IQCH: variants seen among roughly 807,000 people sequenced by gnomAD.
The protein encoded by IQCH is IQ motif containing H, also known as IQ domain-containing protein H.
Under a neutral mutation model 117.0 loss-of-function variants are expected in IQCH, and 98 were observed. That is an observed-to-expected ratio of 0.84 (90% CI 0.71 to 0.99). The LOEUF (loss-of-function observed/expected upper bound fraction) is 0.99, where lower values mean the gene tolerates loss of function less well. IQCH is among the 50% of genes least tolerant of loss of function. The probability of loss-of-function intolerance (pLI) is 0.00; values close to 1 mark genes in which losing one functional copy is unlikely to be tolerated. For missense variants in IQCH, 1,102 were observed against 1,243.8 expected (o/e 0.89, Z 1.72); for synonymous variants, 412 against 448.2 (o/e 0.92, Z 1.02).
chr15:67,273,414 T>G (rs936590130), intron 3 of IQCH, among the ~76,000 whole-genome samples: 2 of 152,208 alleles, frequency 1.3e-5, no homozygotes, highest in Non-Finnish European at 2.9e-5. Flanking sequence ...CTAATGTATC[T>G]GTTATAGTTT....
chr15:67,379,748 C>T (rs940257051), intron 10 of IQCH, among the ~76,000 whole-genome samples: 1 of 152,182 alleles, frequency 6.6e-6, no homozygotes, highest in Non-Finnish European at 1.5e-5. Flanking sequence ...TGAAGAAGGT[C>T]TTTGTTTCCC....
intron 14 of IQCH, among the ~76,000 whole-genome samples, chr15:67,400,978 T>G (rs2140869005): frequency 6.6e-6 from 1 of 152,324 alleles, no homozygotes; most frequent in South Asian, 2.1e-4. Context: ...AGCTGTATTT[T>G]ATTATGAGAT....
rs966853011 is a variant in IQCH at position 67,459,736 on chromosome 15, G to C, written c.2506-5391G>C. The C allele has an allele frequency of 6.6e-6, 1 of 152,340 alleles. No homozygotes were observed. Among genetic ancestry groups the C allele is most frequent in the Non-Finnish European group, 1.5e-5 (1 of 68,140 alleles). The allele number at this position is 152,340 out of a possible 1,614,324, so 9.4% of individuals were successfully genotyped here. A position where few individuals can be genotyped will look rare whatever the true frequency, so the allele number is the denominator to read the frequency against. On this transcript the variant is annotated intron_variant, in intron 16 of 20. Transcript: ENST00000335894. The surrounding 1 kb of genome is among the most constrained non-coding windows in gnomAD (Gnocchi z 4.2). ...GCAGCTGTGGTTCACACGGCATCCAGCACAGTAGCAGTCAGGGCAGTGGAG... is the reference window on the plus strand; with the variant it reads ...GCAGCTGTGGTTCACACGGCATCCACCACAGTAGCAGTCAGGGCAGTGGAG...
At chr15:67,340,856 C>G (rs1969138489) in intron 5 of IQCH, among the ~76,000 whole-genome samples, 2 of 152,148 alleles carry the variant, frequency 1.3e-5, no homozygotes, top group Non-Finnish European at 1.5e-5. Context: ...ATTACAGATA[C>G]AAAGACATAC....
At chr15:67,292,641 C>T (rs887675181) in intron 4 of IQCH, among the ~76,000 whole-genome samples, 1 of 152,074 alleles carries the variant, frequency 6.6e-6, no homozygotes, top group African/African-American at 2.4e-5. Context: ...AATTGTTAAC[C>T]TTTACCATTT....
chr15:67,373,046 A>G (rs1280630202), intron 9 of IQCH, among the ~76,000 whole-genome samples: 1 of 152,012 alleles, frequency 6.6e-6, no homozygotes, highest in Non-Finnish European at 1.5e-5. Flanking sequence ...TCTTGTCTAC[A>G]TTGCTGTCAC....
chr15:67,427,888 G>T lies in IQCH; in HGVS notation c.2505+6311G>T, dbSNP rs1209099095. On this transcript the variant is annotated intron_variant, in intron 16 of 20. Coordinates refer to ENST00000335894, the MANE Select transcript of IQCH (RefSeq NM_001031715.3). The surrounding 1 kb of genome is among the most constrained non-coding windows in gnomAD (Gnocchi z 4.7). The stretch of plus-strand genomic sequence containing the variant: ...GTGTTGCCCAGGCTGGAGTGCAGTG[G>T]CATGATCTTGCTTCACTGTAATCTT... 6.6e-6 allele frequency among the ~76,000 whole-genome samples: 1 copy of T among 151,504 alleles called. No homozygotes were observed. Among genetic ancestry groups the T allele is most frequent in the Non-Finnish European group, 1.5e-5 (1 of 67,970 alleles).
At chr15:67,283,332 T>C (rs1966438820) in intron 4 of IQCH, among the ~76,000 whole-genome samples, 1 of 152,186 alleles carries the variant, frequency 6.6e-6, no homozygotes, top group South Asian at 2.1e-4. Flanking sequence ...TGCAGATATG[T>C]AGGGTTTGTG....
chr15:67,338,706 A>C (rs1969012842), intron 5 of IQCH, among the ~76,000 whole-genome samples: 1 of 152,136 alleles, frequency 6.6e-6, no homozygotes, highest in Non-Finnish European at 1.5e-5. Flanking sequence ...CACCCCTCCA[A>C]ATGGTTAAGA....
At chr15:67,498,393 A>G (rs7174632) in intron 20 of IQCH, among the ~76,000 whole-genome samples, 130,641 of 151,896 alleles carry the variant, frequency 0.86, 56,239 homozygotes, top group Middle Eastern at 0.9. Flanking sequence ...AGGCAGGTGG[A>G]TCACCTGAGG....
Position 67,428,184 on chromosome 15 carries a change from G to A in IQCH, c.2505+6607G>A, listed in dbSNP as rs116655245. On this transcript the variant is annotated intron_variant, in intron 16 of 20. Coordinates refer to ENST00000335894, the MANE Select transcript of IQCH (RefSeq NM_001031715.3). ...ATAGTTCAATGAAATTGCATACTAT[G>A]AAGACATTAAAACTAATGTTTTTAA... Among the ~76,000 whole-genome samples the A allele has an allele frequency of 5.0e-3, 764 of 152,150 alleles. 6 individuals are homozygous for A. Among genetic ancestry groups the A allele is most frequent in the African/African-American group, 0.018 (733 of 41,488 alleles).
rs2140763504 is a variant in IQCH, at chr15:67,364,618, A to G, written c.753+4733A>G. Among the ~76,000 whole-genome samples, 1 of 152,280 alleles carries G rather than the reference A, an allele frequency of 6.6e-6. No homozygotes were observed. Among genetic ancestry groups the G allele is most frequent in the East Asian group, 1.9e-4 (1 of 5,186 alleles). The stretch of plus-strand genomic sequence containing the variant: ...TGTATTTTTTCACTTTATCTCTTTC[A>G]TTGATCAATTGTGACCTGATCATTC... On this transcript the variant is annotated intron_variant, in intron 8 of 20. Transcript: ENST00000335894. This position sits in a 1 kb window ranked among gnomAD's most constrained non-coding sequence, Gnocchi z 4.1.
chr15:67,388,718 C>A lies in IQCH; in HGVS notation c.1457-113C>A. The A allele has an allele frequency of 1.1e-6, 1 of 889,628 alleles. No homozygotes were observed. The highest frequency in any genetic ancestry group is 1.7e-6 in the Non-Finnish European group (1 of 581,296). The allele number at this position is 889,628 out of a possible 1,614,324, so 55.1% of individuals were successfully genotyped here. On this transcript the variant is annotated intron_variant, in intron 11 of 20. Transcript: ENST00000335894. This position sits in a 1 kb window ranked among gnomAD's most constrained non-coding sequence, Gnocchi z 5.5. ...AAAACCAAACTAAATTAACCTTAAC[C>A]TGGGTTTTGGATATGCTCTTTATTT...
chr15:67,306,508 G>T (rs1967302386), intron 4 of IQCH, among the ~76,000 whole-genome samples: 1 of 152,026 alleles, frequency 6.6e-6, no homozygotes, highest in African/African-American at 2.4e-5. Flanking sequence ...AGACATTTTT[G>T]ACAGAGCAAA....
intron 16 of IQCH, among the ~76,000 whole-genome samples, chr15:67,423,118 T>A (rs1263627613): frequency 9.9e-5 from 15 of 152,222 alleles, no homozygotes. Context: ...TTCTCAGGCC[T>A]GTACATTGAG....
At chr15:67,321,554 CCTTT>C (rs1384950393) in intron 4 of IQCH, among the ~76,000 whole-genome samples, 8 of 138,932 alleles carry the variant, frequency 5.8e-5, no homozygotes, top group African/African-American at 1.9e-4. Flanking sequence ...TCCTTTCTTT[CCTTT>C]CTTTCTCTCC....
At position 67,324,286 on chromosome 15, in the gene IQCH, CT is replaced by C. The variant is rs1214485551; in HGVS notation, c.388-12687del. ...AGAAAGCTCATGCCTGCTGGTAACA[CT>C]TGCCTGTCTTTTGTCCAAAAAAAAA... On this transcript the variant is annotated intron_variant, in intron 4 of 20. Transcript: ENST00000335894. Among the ~76,000 whole-genome samples, 8 of 147,988 alleles carry C rather than the reference CT, an allele frequency of 5.4e-5. No homozygotes were observed. The East Asian group carries it at 1.6e-3, about 30-fold the overall frequency.
intron 4 of IQCH, among the ~76,000 whole-genome samples, chr15:67,314,233 G>A (rs1173066982): frequency 6.6e-6 from 1 of 152,064 alleles, no homozygotes; most frequent in East Asian, 1.9e-4. Context: ...GGTGGCAAGA[G>A]AAAAGGATAG....
rs141462155 is a variant in IQCH, at chr15:67,339,510, G to A, written c.508+2415G>A. ...TTCACCAGACAGAATTTATTTTCATGTCTATAGATAAGAATTATTTGCATT... is the reference window on the plus strand; with the variant it reads ...TTCACCAGACAGAATTTATTTTCATATCTATAGATAAGAATTATTTGCATT... On this transcript the variant is annotated intron_variant, in intron 5 of 20. Transcript: ENST00000335894. 6.4e-4 allele frequency among the ~76,000 whole-genome samples: 97 copies of A among 152,284 alleles called. 1 individual carries two copies. Among genetic ancestry groups the A allele is most frequent in the Admixed American group, 4.3e-3 (66 of 15,302 alleles).
Sources: gnomAD v4.1 joint callset for allele counts (sites outside exome capture counted in the v4.1 genomes callset) on GRCh38, gnomAD v4.1.1 for gene constraint, Gnocchi (gnomAD v3.1) non-coding constraint, MANE v1.5 for transcripts, NCBI Gene and HGNC (gene_info 2026-07-23, HGNC 2026-07-21) for gene names.